PLXNA4: variants seen among roughly 807,000 people sequenced by gnomAD.
The protein encoded by PLXNA4 is plexin A4.
A neutral mutation model predicts 191.8 loss-of-function variants in PLXNA4; 44 were observed. That is an observed-to-expected ratio of 0.23 (90% confidence interval 0.18 to 0.29). The LOEUF is 0.29. Among genes scored for constraint, PLXNA4 ranks in the 10% least tolerant of loss-of-function variants. The pLI, the probability that PLXNA4 is intolerant of heterozygous loss-of-function variation, is 1.00. For missense variants in PLXNA4, 1,800 were observed against 2,488.8 expected, an observed-to-expected ratio of 0.72 and a Z score of 5.89; for synonymous variants, 1,082 against 1,009.5, an observed-to-expected ratio of 1.07 and a Z score of -1.36.
At chr7:132,482,454 C>T (rs1187912224) in intron 3 of PLXNA4, among the ~76,000 whole-genome samples, 1 of 152,178 alleles carries the variant, frequency 6.6e-6, no homozygotes, top group African/African-American at 2.4e-5. Flanking sequence ...GAGGTAGACT[C>T]TTCCCCATTC....
chr7:132,195,914 T>A (rs1044363368), intron 13 of PLXNA4, among the ~76,000 whole-genome samples: 1 of 152,254 alleles, frequency 6.6e-6, no homozygotes, highest in Non-Finnish European at 1.5e-5. Flanking sequence ...GTTCTTTAAC[T>A]TTACGGCTTC....
At chr7:132,641,001 C>T (rs900015632) in intron 2 of PLXNA4, among the ~76,000 whole-genome samples, 2 of 152,186 alleles carry the variant, frequency 1.3e-5, no homozygotes, top group African/African-American at 4.8e-5. Context: ...TTGAAAATGG[C>T]ACCACGGATG....
chr7:132,138,636 ATGACTTTCT>A (rs1795181671), intron 30 of PLXNA4, among the ~76,000 whole-genome samples: 1 of 152,310 alleles, frequency 6.6e-6, no homozygotes, highest in South Asian at 2.1e-4. Flanking sequence ...TAAGTGAAAG[ATGACTTTCT>A]TGAAAGTGTC....
At chr7:132,252,737 A>G (rs1240338325) in intron 4 of PLXNA4, among the ~76,000 whole-genome samples, 2 of 152,186 alleles carry the variant, frequency 1.3e-5, no homozygotes, top group African/African-American at 4.8e-5. Context: ...TTCCTGCAGA[A>G]ATACCAGCAC....
intron 3 of PLXNA4, among the ~76,000 whole-genome samples, chr7:132,322,583 C>T (rs1332452144): frequency 6.6e-6 from 1 of 152,206 alleles, no homozygotes; most frequent in African/African-American, 2.4e-5. Context: ...GGTAGCATGG[C>T]TAAACATCCT....
intron 3 of PLXNA4, among the ~76,000 whole-genome samples, chr7:132,430,105 C>G (rs1795204515): frequency 6.6e-6 from 1 of 152,188 alleles, no homozygotes; most frequent in Admixed American, 6.5e-5. Context: ...GCAGCACAAC[C>G]TAACTTACCA....
intron 9 of PLXNA4, among the ~76,000 whole-genome samples, chr7:132,223,057 G>A (rs1044403576): frequency 2.6e-5 from 4 of 152,130 alleles, no homozygotes; most frequent in Admixed American, 2.6e-4. Context: ...GAAAACCACC[G>A]CTCTAGCTCA....
chr7:132,237,333 AG>A (rs1562984612), intron 5 of PLXNA4, among the ~76,000 whole-genome samples: 1 of 152,162 alleles, frequency 6.6e-6, no homozygotes, highest in East Asian at 1.9e-4. Flanking sequence ...AGAGATGGGG[AG>A]GGTGCCTGCT....
intron 3 of PLXNA4, among the ~76,000 whole-genome samples, chr7:132,403,392 G>A (rs577005920): frequency 1.2e-4 from 19 of 152,342 alleles, no homozygotes; most frequent in African/African-American, 4.3e-4. Context: ...CCCCTACTCA[G>A]GGGAGGAGCT....
intron 1 of PLXNA4, among the ~76,000 whole-genome samples, chr7:132,541,273 A>AT (rs958460813): frequency 6.6e-6 from 1 of 152,182 alleles, no homozygotes; most frequent in Admixed American, 6.5e-5. Flanking sequence ...CCCCCTCCCC[A>AT]TAAGAGTAGC....
chr7:132,345,606 T>C (rs1803215484), intron 3 of PLXNA4, among the ~76,000 whole-genome samples: 2 of 152,190 alleles, frequency 1.3e-5, no homozygotes, highest in Admixed American at 6.5e-5. Flanking sequence ...TATAGAGTTG[T>C]GCTCCCTAAA....
intron 2 of PLXNA4, among the ~76,000 whole-genome samples, chr7:132,490,798 C>T (rs1797765951): frequency 6.6e-6 from 1 of 152,166 alleles, no homozygotes; most frequent in African/African-American, 2.4e-5. Flanking sequence ...CTGTGAGATA[C>T]TGACCCTGAC....
At chr7:132,132,457 G>GCTCTA (rs1563048263) in intron 31 of PLXNA4, among the ~76,000 whole-genome samples, 7 of 46,932 alleles carry the variant, frequency 1.5e-4, no homozygotes, top group East Asian at 5.6e-4. Context: ...GTTCTGTTCT[G>GCTCTA]TTCTGTTCTG....
chr7:132,262,060 T>C lies in PLXNA4; in HGVS notation c.1504-20894A>G, dbSNP rs373424380. Among the ~76,000 whole-genome samples the C allele has an allele frequency of 8.5e-5, 13 of 152,342 alleles. No individual in the cohort carries two copies. The East Asian group carries it at 2.1e-3, about 25-fold the overall frequency. ...CTTCCTGCTCTAACAATCCAAGATATATGGGAAATTGAGAGTACATTTCCC... is the reference window on the plus strand; with the variant it reads ...CTTCCTGCTCTAACAATCCAAGATACATGGGAAATTGAGAGTACATTTCCC... On this transcript the variant is annotated intron_variant, in intron 4 of 31. Coordinates refer to ENST00000321063, the MANE Select transcript of PLXNA4 (RefSeq NM_020911.2).
upstream of PLXNA4, among the ~76,000 whole-genome samples, chr7:132,579,982 A>G (rs77240414): frequency 0.038 from 5,800 of 152,136 alleles, 262 homozygotes; most frequent in African/African-American, 0.1. Context: ...TAGAAAACAC[A>G]TGTCCTACTC....
intron 25 of PLXNA4, among the ~76,000 whole-genome samples, chr7:132,158,771 G>C (rs559797686): frequency 1.4e-4 from 22 of 152,116 alleles, no homozygotes; most frequent in African/African-American, 5.3e-4. Flanking sequence ...TTCCCCACTG[G>C]CCTCTTCAGA....
chr7:132,461,378 C>A (rs906473842), intron 3 of PLXNA4, among the ~76,000 whole-genome samples: 1 of 152,140 alleles, frequency 6.6e-6, no homozygotes, highest in Admixed American at 6.5e-5. Context: ...GAAAAGCTTT[C>A]TCAGAAATAA....
intron 3 of PLXNA4, among the ~76,000 whole-genome samples, chr7:132,326,119 T>C (rs1802347672): frequency 1.3e-5 from 2 of 152,060 alleles, no homozygotes; most frequent in Non-Finnish European, 2.9e-5. Flanking sequence ...TCTCTACCAA[T>C]CTACTGAGGG....
At chr7:132,287,749 C>T (rs1395465888) in intron 4 of PLXNA4, among the ~76,000 whole-genome samples, 1 of 152,194 alleles carries the variant, frequency 6.6e-6, no homozygotes, top group Non-Finnish European at 1.5e-5. Flanking sequence ...GCTACCCTGC[C>T]TACTCCCTCT....
Sources: allele counts gnomAD v4.1 joint callset (sites outside exome capture counted in the v4.1 genomes callset), GRCh38; gene constraint gnomAD v4.1.1; transcripts MANE v1.5; gene names NCBI Gene and HGNC (gene_info 2026-07-23, HGNC 2026-07-21).